TMEM184A: variants seen among roughly 807,000 people sequenced by gnomAD.
TMEM184A encodes transmembrane protein 184A.
Under a neutral mutation model 39.5 loss-of-function variants are expected in TMEM184A, and 40 were observed. The observed-to-expected ratio is 1.01, with a 90% CI of 0.79 to 1.32. TMEM184A has a LOEUF of 1.32. TMEM184A is among the 40% of genes most tolerant of loss of function. The pLI is 0.00. For missense variants in TMEM184A, 603 were observed against 568.8 expected, an observed-to-expected ratio of 1.06 and a Z score of -0.61; for synonymous variants, 280 against 252.3, an observed-to-expected ratio of 1.11 and a Z score of -1.04.
chr7:1,549,599 G>A (rs1368696483), intron 6 of TMEM184A: 6 of 602,060 alleles, frequency 1.0e-5, no homozygotes, highest in East Asian at 3.7e-5. Flanking sequence ...GGCAGGCACC[G>A]AGGTCCTTGT....
intron 4 of TMEM184A, 43 bp from the exon 5 acceptor site, chr7:1,550,241 C>A (rs557450080): frequency 1.1e-5 from 17 of 1,604,190 alleles, no homozygotes; most frequent in Middle Eastern, 3.3e-4. Context: ...AATGCAGCCC[C>A]GGCGCCGCCG....
rs949043987 is a variant in TMEM184A at position 1,555,049 on chromosome 7, T to G, written c.219+217A>C. 1.3e-5 allele frequency among the ~76,000 whole-genome samples: 2 copies of G among 151,856 alleles called. No homozygotes were observed. The highest frequency in any genetic ancestry group is 1.5e-5 in the Non-Finnish European group (1 of 67,918). On this transcript the variant is annotated intron_variant, in intron 2 of 8. Transcript: ENST00000297477. This position sits in a 1 kb window ranked among gnomAD's most constrained non-coding sequence, Gnocchi z 5.2. ...CTGTGAAATAGCCAGGGGTGCCCGG[T>G]GGGCGCTCTGCCCTCAGCCTGGCAG...
In TMEM184A at chr7:1,545,994, TGG is replaced by T. The variant is rs1235023293; in HGVS notation, c.*956_*957del. On this transcript the variant is annotated 3_prime_UTR_variant, in exon 9 of 9. Coordinates refer to ENST00000297477, the MANE Select transcript of TMEM184A (RefSeq NM_001097620.2). ...CGTGGCCTTGTCCGCTCGCCGCGGG[TGG>T]GGCTGGCACAAGGCCCGTTTTGGAG... 6.6e-6 allele frequency: 1 copy of T among 151,790 alleles called. No homozygotes were observed. The highest frequency in any genetic ancestry group is 1.5e-5 in the Non-Finnish European group (1 of 68,030). The allele number at this position is 151,790 out of a possible 1,614,324, so 9.4% of individuals were successfully genotyped here. A position where few individuals can be genotyped will look rare whatever the true frequency, so the allele number is the denominator to read the frequency against.
chr7:1,547,258 C>A, intron 8 of TMEM184A, 77 bp from the exon 9 acceptor site: 1 of 852,890 alleles, frequency 1.2e-6, no homozygotes, highest in African/African-American at 1.7e-5. Flanking sequence ...CCCAGGATGC[C>A]CAGGGCTGTA....
At chr7:1,551,070 T>TC in intron 2 of TMEM184A, 88 bp from the exon 3 acceptor site, 1 of 1,008,616 alleles carries the variant, frequency 9.9e-7, no homozygotes, top group Non-Finnish European at 1.3e-6. Flanking sequence ...TGGGGGTGGG[T>TC]GCAGGAGGGT....
chr7:1,549,133 CTG>C (rs764620755), intron 6 of TMEM184A: 3 of 463,744 alleles, frequency 6.5e-6, no homozygotes, highest in Non-Finnish European at 1.3e-5. Context: ...GTGGGGTGCG[CTG>C]TGTGTGTGCA....
At chr7:1,548,087 G>A (rs1474366266) in intron 7 of TMEM184A, 148 bp from the exon 8 acceptor site, 6 of 944,284 alleles carry the variant, frequency 6.4e-6, no homozygotes, top group African/African-American at 1.6e-5. Context: ...GGTTCAGGGG[G>A]GCAGGGCGCC....
In TMEM184A at chr7:1,547,036, G is replaced by A; in HGVS notation, c.1158C>T (p.Gly386=). ...CGCCGGAGCCGCCGCTGGGGTGGGT[G>A]CCGGGCCTGGGCGCCTCGTGCGTGG... is the stretch of plus-strand genomic sequence containing the variant. ...QQATHEAPRP[G]THPSGGSGGS... is the part of the protein sequence containing the mutation. The change falls in exon 9 of 9, where the codon GGC becomes GGT. Residue 386 remains glycine, a synonymous_variant. Coordinates refer to ENST00000297477, the MANE Select transcript of TMEM184A (RefSeq NM_001097620.2). 1 of 1,606,488 alleles carries A rather than the reference G, an allele frequency of 6.2e-7. No homozygotes were observed. Among genetic ancestry groups the A allele is most frequent in the Non-Finnish European group, 8.5e-7 (1 of 1,179,308 alleles).
Position 1,548,599 on chromosome 7 carries a change from G to C in TMEM184A, c.734C>G (p.Thr245Ser). ...LYALFLFYFTTRELLRPFQPV... is the reference protein window; with the variant it reads ...LYALFLFYFTSRELLRPFQPV... ...CTGGAAGGGCCGCAGGAGCTCCCTGGTGGTGAAGTAGAAGAGGAACAGGGC... is the reference window on the plus strand; with the variant it reads ...CTGGAAGGGCCGCAGGAGCTCCCTGCTGGTGAAGTAGAAGAGGAACAGGGC... The change falls in exon 7 of 9, where the codon ACC becomes AGC. Residue 245 changes from threonine (T) to serine (S), a missense_variant. Coordinates refer to ENST00000297477, the MANE Select transcript of TMEM184A (RefSeq NM_001097620.2). 6.2e-7 allele frequency: 1 copy of C among 1,613,962 alleles called. No individual in the cohort carries two copies. The highest frequency in any genetic ancestry group is 8.5e-7 in the Non-Finnish European group (1 of 1,179,996).
At chr7:1,550,060 C>T in intron 5 of TMEM184A, 63 bp downstream of exon 5, 1 of 1,572,636 alleles carries the variant, frequency 6.4e-7, no homozygotes, top group South Asian at 1.1e-5. Flanking sequence ...TGGCGCTGGG[C>T]CGGCTAGGGC....
chr7:1,542,586 C>G lies in TMEM184A; in HGVS notation c.*4366G>C, dbSNP rs1017034429. On this transcript the variant is annotated 3_prime_UTR_variant, in exon 9 of 9. Coordinates refer to ENST00000297477, the MANE Select transcript of TMEM184A (RefSeq NM_001097620.2). Reference sequence around the variant, plus strand: ...CCAGGGTGGACGGAGCCGCTGTCACCGCCCAGAGCTGGGCCGGGGAAGCAC... The same window carrying G: ...CCAGGGTGGACGGAGCCGCTGTCACGGCCCAGAGCTGGGCCGGGGAAGCAC... 1.3e-5 allele frequency: 2 copies of G among 152,304 alleles called. No homozygotes were observed. The highest frequency in any genetic ancestry group is 6.5e-5 in the Admixed American group (1 of 15,292). 9.4% of individuals were successfully genotyped at this position (152,304 alleles called of 1,614,324 possible).
chr7:1,550,007 T>C (rs1784523338), intron 5 of TMEM184A, 62 bp from the exon 6 acceptor site: 2 of 1,599,600 alleles, frequency 1.3e-6, no homozygotes, highest in South Asian at 1.1e-5. Context: ...GGAATGGGGA[T>C]TGGGGCAGCC....
intron 6 of TMEM184A, 24 bp downstream of exon 6, chr7:1,549,830 G>A (rs1391473243): frequency 5.7e-6 from 9 of 1,569,018 alleles, no homozygotes; most frequent in Non-Finnish European, 7.8e-6. Context: ...CTCATGCCAG[G>A]TGTCCCCGCA....
At position 1,555,159 on chromosome 7, in the gene TMEM184A, T is replaced by A. The variant is rs1778503707; in HGVS notation, c.219+107A>T. ...TCCCCCGTGCCCTGGCCGATCCCACTTCTGACAGCGTCTATAGCAGCGGCA... is the reference window on the plus strand; with the variant it reads ...TCCCCCGTGCCCTGGCCGATCCCACATCTGACAGCGTCTATAGCAGCGGCA... On this transcript the variant is annotated intron_variant, in intron 2 of 8. Transcript: ENST00000297477. This position sits in a 1 kb window ranked among gnomAD's most constrained non-coding sequence, Gnocchi z 5.2. The A allele has an allele frequency of 1.0e-6, 1 of 961,810 alleles. No homozygotes were observed. Among genetic ancestry groups the A allele is most frequent in the African/African-American group, 1.7e-5 (1 of 59,470 alleles). The allele number at this position is 961,810 out of a possible 1,614,324, so 59.6% of individuals were successfully genotyped here.
Position 1,547,172 on chromosome 7 carries a change from G to A in TMEM184A, c.1022C>T (p.Ala341Val), listed in dbSNP as rs200766224. 43 of 1,597,016 alleles carry A rather than the reference G, an allele frequency of 2.7e-5. 1 individual carries two copies. The Admixed American group carries it at 7.2e-4, about 27-fold the overall frequency. ...GCCGCTGGAGATGCTCTGCATGGGT[G>A]CCGGGGGGGCTGGGGGAGGGCAGTG... The part of the protein sequence containing the change: ...EKKENSPAPP[A>V]PMQSISSGIR... Residue 341 changes from alanine to valine, a missense_variant, in exon 9 of 9, where the codon GCA becomes GTA. By Grantham distance (64) the Ala-to-Val change is moderately conservative. Coordinates refer to ENST00000297477, the MANE Select transcript of TMEM184A (RefSeq NM_001097620.2).
rs769928158 is a variant in TMEM184A, at chr7:1,547,117, G to A, written c.1077C>T (p.Ile359=). 256 of 1,609,964 alleles carry A rather than the reference G, an allele frequency of 1.6e-4. 1 individual carries two copies. Among genetic ancestry groups the A allele is most frequent in the Middle Eastern group, 6.8e-4 (4 of 5,922 alleles). ...AGAAGTTGTGGATGGCGTCCTGCAC[G>A]ATGTCCTGGGGGCTCACTGTCTCCC... ...GIRETVSPQD[I]VQDAIHNFSP... is the part of the protein sequence containing the mutation. The change falls in exon 9 of 9, where the codon ATC becomes ATT. Residue 359 remains isoleucine (I), a synonymous_variant. Transcript: ENST00000297477.
rs369095919 is a variant in TMEM184A, at chr7:1,548,826, G to A, written c.645-138C>T. 5.1e-5 allele frequency: 53 copies of A among 1,030,614 alleles called. 1 individual carries two copies. The highest frequency in any genetic ancestry group is 3.4e-4 in the Admixed American group (17 of 49,380). 63.8% of individuals were successfully genotyped at this position (1,030,614 alleles called of 1,614,324 possible). A position where few individuals can be genotyped will look rare whatever the true frequency, so the allele number is the denominator to read the frequency against. ...ATGGGCCCTGCAGGGATCCTGCCCC[G>A]ATCTGATCCTCACTCCAGGGCCTGC... On this transcript the variant is annotated intron_variant, in intron 6 of 8. Transcript: ENST00000297477.
chr7:1,551,663 G>A (rs1208773392), intron 2 of TMEM184A, among the ~76,000 whole-genome samples: 6 of 152,126 alleles, frequency 3.9e-5, no homozygotes, highest in Non-Finnish European at 5.9e-5. Context: ...ATGGCCGGGT[G>A]CAGTGGCTCA....
intron 6 of TMEM184A, chr7:1,549,202 C>G (rs1192934633): frequency 2.2e-6 from 1 of 456,198 alleles, no homozygotes; most frequent in African/African-American, 2.0e-5. Context: ...ACGGTTTGCG[C>G]ATGTGCTGTG....
Sources: allele counts gnomAD v4.1 joint callset (sites outside exome capture counted in the v4.1 genomes callset), GRCh38; gene constraint gnomAD v4.1.1; non-coding constraint Gnocchi (gnomAD v3.1); transcripts MANE v1.5; gene names NCBI Gene and HGNC (gene_info 2026-07-23, HGNC 2026-07-21).